Variants in MGAT4C observed in about 807,000 individuals in gnomAD.
MGAT4C encodes the protein MGAT4 family member C.
MGAT4C carries 19 observed loss-of-function variants against 40.1 expected under a neutral mutation model. The ratio of observed to expected loss-of-function variants is 0.47; its 90% confidence interval spans 0.33 to 0.70. MGAT4C has a LOEUF of 0.70. Among genes scored for constraint, MGAT4C ranks in the 30% least tolerant of loss-of-function variants. The pLI is 0.02. For synonymous variants in MGAT4C, 181 were observed against 187.1 expected, an observed-to-expected ratio of 0.97 and a Z score of 0.27; for missense variants, 491 against 563.2, an observed-to-expected ratio of 0.87 and a Z score of 1.30.
intron 4 of MGAT4C, among the ~76,000 whole-genome samples, chr12:86,266,056 C>A (rs578192930): frequency 6.6e-6 from 1 of 152,110 alleles, no homozygotes; most frequent in East Asian, 1.9e-4. Context: ...TTAGGTTTTT[C>A]CACCTGTAAG....
intron 3 of MGAT4C, among the ~76,000 whole-genome samples, chr12:86,375,988 C>A (rs1449710430): frequency 6.6e-6 from 1 of 151,880 alleles, no homozygotes. Context: ...TAAATCATTG[C>A]AAATAGATTG....
At chr12:86,256,763 G>A (rs1364283389), upstream of MGAT4C, among the ~76,000 whole-genome samples, 1 of 152,096 alleles carries the variant, frequency 6.6e-6, no homozygotes, top group Non-Finnish European at 1.5e-5. Flanking sequence ...CATAACATCT[G>A]GAATTTTAAA....
chr12:86,338,344 A>G (rs1206429979), intron 3 of MGAT4C, among the ~76,000 whole-genome samples: 1 of 152,150 alleles, frequency 6.6e-6, no homozygotes, highest in East Asian at 1.9e-4. Flanking sequence ...TGATACATCA[A>G]GTGCAGGGTC....
At position 86,791,247 on chromosome 12, in the gene MGAT4C, C is replaced by T. The variant is rs796113057; in HGVS notation, c.-262+47419G>A. The stretch of plus-strand genomic sequence containing the variant: ...GTCAGAAAGAACAAGTATCCAGTCA[C>T]CAATGCAGGCTCAAAAACAAAGGAG... On this transcript the variant is annotated intron_variant, in intron 1 of 7. Transcript: ENST00000548651. Among the ~76,000 whole-genome samples, 11 of 152,146 alleles carry T rather than the reference C, an allele frequency of 7.2e-5. 1 individual carries two copies. Among genetic ancestry groups the T allele is most frequent in the African/African-American group, 2.4e-4 (10 of 41,516 alleles).
chr12:86,110,095 T>C (rs1565995357), intron 1 of MGAT4C, among the ~76,000 whole-genome samples: 1 of 150,100 alleles, frequency 6.7e-6, no homozygotes, highest in Non-Finnish European at 1.5e-5. Flanking sequence ...GACTGTATAA[T>C]AGACAGTCAG....
At chr12:85,992,115 C>T (rs1340608504) in intron 2 of MGAT4C, among the ~76,000 whole-genome samples, 1 of 152,210 alleles carries the variant, frequency 6.6e-6, no homozygotes, top group Non-Finnish European at 1.5e-5. Context: ...CTCTTACTGT[C>T]TTTCTTTGGA....
intron 2 of MGAT4C, among the ~76,000 whole-genome samples, chr12:86,692,924 A>G (rs1950196351): frequency 6.6e-6 from 1 of 152,132 alleles, no homozygotes; most frequent in Non-Finnish European, 1.5e-5. Flanking sequence ...GGGGAATATG[A>G]AGTTGTGATT....
chr12:86,240,322 C>T (rs1167590871), intron 1 of MGAT4C, among the ~76,000 whole-genome samples: 2 of 151,768 alleles, frequency 1.3e-5, no homozygotes, highest in African/African-American at 4.8e-5. Flanking sequence ...ATGTCTATCA[C>T]TTTTTTATAT....
intron 1 of MGAT4C, among the ~76,000 whole-genome samples, chr12:86,828,709 C>T (rs544109256): frequency 6.6e-5 from 10 of 151,408 alleles, no homozygotes; most frequent in Admixed American, 2.6e-4. Context: ...AATGATGCTA[C>T]AGTATGATGA....
intron 3 of MGAT4C, among the ~76,000 whole-genome samples, chr12:86,420,164 C>T (rs761836457): frequency 1.3e-5 from 2 of 151,740 alleles, no homozygotes; most frequent in South Asian, 2.1e-4. Flanking sequence ...AATTGCTTGA[C>T]CCCAGGAGTT....
intron 2 of MGAT4C, among the ~76,000 whole-genome samples, chr12:86,589,064 G>C (rs1002916345): frequency 1.3e-4 from 19 of 150,910 alleles, no homozygotes; most frequent in African/African-American, 4.6e-4. Flanking sequence ...GAGCAGAACT[G>C]AAGGAAATAG....
intron 1 of MGAT4C, among the ~76,000 whole-genome samples, chr12:86,202,928 A>G (rs1008591550): frequency 2.0e-5 from 3 of 151,898 alleles, no homozygotes; most frequent in African/African-American, 7.3e-5. Flanking sequence ...AACTGTATTA[A>G]ATCCTTTTTG....
At chr12:86,710,459 T>G (rs1560015) in intron 2 of MGAT4C, among the ~76,000 whole-genome samples, 125,664 of 152,124 alleles carry the variant, frequency 0.83, 52,667 homozygotes, top group Middle Eastern at 0.9. Flanking sequence ...AGAGATTTGG[T>G]TGTAATAATT....
At chr12:86,161,694 A>T (rs551599959) in intron 1 of MGAT4C, among the ~76,000 whole-genome samples, 2 of 152,300 alleles carry the variant, frequency 1.3e-5, no homozygotes, top group East Asian at 3.9e-4. Flanking sequence ...ATAGCAAAAT[A>T]AACTATCAAC....
chr12:86,619,868 C>T (rs1461588814), intron 2 of MGAT4C, among the ~76,000 whole-genome samples: 1 of 152,112 alleles, frequency 6.6e-6, no homozygotes, highest in Admixed American at 6.5e-5. Flanking sequence ...AGCTTGCAAA[C>T]TTATTAAGGG....
Position 85,960,788 on chromosome 12 carries a change from AC to A in MGAT4C, c.*18500del, listed in dbSNP as rs1253339135. 6.6e-6 allele frequency: 1 copy of A among 151,936 alleles called. No homozygotes were observed. The highest frequency in any genetic ancestry group is 1.5e-5 in the Non-Finnish European group (1 of 67,834). The allele number at this position is 151,936 out of a possible 1,614,324, so 9.4% of individuals were successfully genotyped here. ...CCATAAACTCCTATTAAGCTGAATC[AC>A]CAAAAAAAAATTTGATATGAAAGTC... is the stretch of plus-strand genomic sequence containing the variant. On this transcript the variant is annotated 3_prime_UTR_variant, in exon 5 of 5. Transcript: ENST00000611864.
intron 2 of MGAT4C, among the ~76,000 whole-genome samples, chr12:86,704,891 T>G (rs1272520673): frequency 6.6e-6 from 1 of 152,156 alleles, no homozygotes; most frequent in Non-Finnish European, 1.5e-5. Context: ...TTTCATATCT[T>G]GTTCTTCATT....
intron 1 of MGAT4C, among the ~76,000 whole-genome samples, chr12:86,817,068 C>T (rs1593235536): frequency 6.6e-6 from 1 of 150,422 alleles, no homozygotes; most frequent in African/African-American, 2.4e-5. Flanking sequence ...TATTATTAAA[C>T]CATTGAATTA....
At chr12:86,737,613 C>A (rs971733606) in intron 1 of MGAT4C, among the ~76,000 whole-genome samples, 2 of 151,250 alleles carry the variant, frequency 1.3e-5, no homozygotes, top group African/African-American at 4.8e-5. Flanking sequence ...TTTCTGAACT[C>A]CAAACTTACT....
Sources: gnomAD v4.1 joint callset for allele counts (sites outside exome capture counted in the v4.1 genomes callset) on GRCh38, gnomAD v4.1.1 for gene constraint, MANE v1.5 for transcripts, NCBI Gene and HGNC (gene_info 2026-07-23, HGNC 2026-07-21) for gene names.